Variants in TRMT10B observed in about 807,000 individuals in gnomAD.
TRMT10B encodes tRNA methyltransferase 10 homolog B.
Under a neutral mutation model 43.8 loss-of-function variants are expected in TRMT10B, and 33 were observed. That is an observed-to-expected ratio of 0.75 (90% CI 0.57 to 1.01). The LOEUF is 1.01. Among genes scored for constraint, TRMT10B ranks in the 50% least tolerant of loss-of-function variants. TRMT10B has a pLI of 0.00. For synonymous variants in TRMT10B, 137 were observed against 130.6 expected, an observed-to-expected ratio of 1.05 and a Z score of -0.34; for missense variants, 362 against 369.8, an observed-to-expected ratio of 0.98 and a Z score of 0.17.
At chr9:37,758,560 C>T (rs1201205655) in intron 1 of TRMT10B, among the ~76,000 whole-genome samples, 4 of 151,768 alleles carry the variant, frequency 2.6e-5, no homozygotes, top group African/African-American at 9.7e-5. Context: ...AAAGGGAGAA[C>T]AGAGATAGAA....
At chr9:37,764,230 C>A (rs1826732128) in intron 4 of TRMT10B, among the ~76,000 whole-genome samples, 1 of 152,008 alleles carries the variant, frequency 6.6e-6, no homozygotes, top group South Asian at 2.1e-4. Flanking sequence ...CTCACTGCAA[C>A]CTCTGCTTCC....
At chr9:37,771,190 C>A (rs1447056200) in intron 7 of TRMT10B, among the ~76,000 whole-genome samples, 1 of 151,826 alleles carries the variant, frequency 6.6e-6, no homozygotes, top group Non-Finnish European at 1.5e-5. Flanking sequence ...TGGGGTGTCA[C>A]TGGAATTTTG....
chr9:37,763,491 ATCT>A, intron 3 of TRMT10B, 135 bp from the exon 4 acceptor site: 1 of 697,408 alleles, frequency 1.4e-6, no homozygotes. Flanking sequence ...CTCTGTGTAA[ATCT>A]TCTAATGAAC....
intron 7 of TRMT10B, among the ~76,000 whole-genome samples, chr9:37,773,166 G>A (rs1337400291): frequency 6.6e-6 from 1 of 152,194 alleles, no homozygotes; most frequent in African/African-American, 2.4e-5. Context: ...TGAGTGAGGT[G>A]GTGCGATCAT....
intron 4 of TRMT10B, among the ~76,000 whole-genome samples, chr9:37,765,774 C>T (rs1269304112): frequency 1.3e-5 from 2 of 152,158 alleles, no homozygotes; most frequent in African/African-American, 4.8e-5. Context: ...TTAATGATTG[C>T]CATTCTAACT....
chr9:37,774,285 A>G (rs1827901266), intron 7 of TRMT10B, among the ~76,000 whole-genome samples: 1 of 152,206 alleles, frequency 6.6e-6, no homozygotes, highest in South Asian at 2.1e-4. Context: ...TGCAGGCATG[A>G]GCCACGGTGC....
intron 1 of TRMT10B, among the ~76,000 whole-genome samples, chr9:37,755,901 T>G (rs1314758271): frequency 1.3e-5 from 2 of 152,216 alleles, no homozygotes; most frequent in African/African-American, 4.8e-5. Flanking sequence ...AATGTAGGTA[T>G]AAGCCCTCCT....
intron 4 of TRMT10B, among the ~76,000 whole-genome samples, chr9:37,764,525 G>A (rs1379732932): frequency 1.3e-5 from 2 of 151,892 alleles, no homozygotes; most frequent in African/African-American, 4.8e-5. Context: ...GTTTCACCAT[G>A]TTAGCCAGGG....
chr9:37,755,274 T>G (rs1285849824), intron 1 of TRMT10B, among the ~76,000 whole-genome samples: 2 of 143,432 alleles, frequency 1.4e-5, no homozygotes, highest in Non-Finnish European at 3.0e-5. Context: ...CCGTCTTTTT[T>G]TTTTTTTTTT....
chr9:37,767,418 TAGG>T (rs1380720914), intron 4 of TRMT10B: 7 of 144,536 alleles, frequency 4.8e-5, no homozygotes, highest in Non-Finnish European at 7.4e-5. Flanking sequence ...GAGGCTGAGG[TAGG>T]AGGATCACTT....
intron 1 of TRMT10B, among the ~76,000 whole-genome samples, chr9:37,758,174 G>A (rs559189268): frequency 1.3e-5 from 2 of 152,334 alleles, no homozygotes; most frequent in Admixed American, 6.5e-5. Context: ...CACTTTGGGA[G>A]GCTGAGGCAG....
intron 1 of TRMT10B, among the ~76,000 whole-genome samples, chr9:37,760,995 C>T (rs764224): frequency 4.6e-5 from 7 of 152,136 alleles, no homozygotes; most frequent in African/African-American, 1.4e-4. Context: ...CTCAGCACTT[C>T]TGAGGGATAT....
intron 5 of TRMT10B, among the ~76,000 whole-genome samples, chr9:37,769,004 T>G (rs1258954880): frequency 6.6e-6 from 1 of 152,154 alleles, no homozygotes; most frequent in Non-Finnish European, 1.5e-5. Context: ...CTTTTGTGTA[T>G]GTCAATATTA....
At chr9:37,755,945 C>T (rs1256316114) in intron 1 of TRMT10B, among the ~76,000 whole-genome samples, 1 of 152,150 alleles carries the variant, frequency 6.6e-6, no homozygotes, top group African/African-American at 2.4e-5. Flanking sequence ...AGAGAAGATA[C>T]CAGCACAGAC....
intron 7 of TRMT10B, among the ~76,000 whole-genome samples, chr9:37,774,538 G>C (rs1472706859): frequency 1.3e-5 from 2 of 152,146 alleles, no homozygotes; most frequent in Admixed American, 1.3e-4. Flanking sequence ...ATTGTGCAAA[G>C]AACATAAACT....
chr9:37,772,339 A>C (rs997678901), intron 7 of TRMT10B, among the ~76,000 whole-genome samples: 3 of 151,588 alleles, frequency 2.0e-5, no homozygotes, highest in Non-Finnish European at 4.4e-5. Context: ...TTTTTTAGAG[A>C]CAGGGTCTCA....
At position 37,778,064 on chromosome 9, in the gene TRMT10B, G is replaced by C. The variant is rs2118959105; in HGVS notation, c.*357G>C. On this transcript the variant is annotated 3_prime_UTR_variant, in exon 9 of 9. Transcript: ENST00000297994. ...GGAGTGAGGCGCTTGGAGGTACCTT[G>C]ACCCAAAGAGCAGGGCAGAGGGTGG... 1 of 200,190 alleles carries C rather than the reference G, an allele frequency of 5.0e-6. No homozygotes were observed. Among genetic ancestry groups the C allele is most frequent in the African/African-American group, 2.4e-5 (1 of 42,364 alleles). 12.4% of individuals were successfully genotyped at this position (200,190 alleles called of 1,614,324 possible).
intron 1 of TRMT10B, among the ~76,000 whole-genome samples, chr9:37,756,728 A>G (rs1463116065): frequency 6.8e-6 from 1 of 146,526 alleles, no homozygotes; most frequent in Non-Finnish European, 1.5e-5. Flanking sequence ...TCAAAAAGAT[A>G]TATATATATA....
chr9:37,752,911 TG>T (rs953015771), upstream of TRMT10B, among the ~76,000 whole-genome samples: 1 of 152,062 alleles, frequency 6.6e-6, no homozygotes, highest in African/African-American at 2.4e-5. Context: ...GGCAACCCGT[TG>T]GGGTTGCCTT....
Sources: allele counts gnomAD v4.1 joint callset (sites outside exome capture counted in the v4.1 genomes callset), GRCh38; gene constraint gnomAD v4.1.1; transcripts MANE v1.5; gene names NCBI Gene and HGNC (gene_info 2026-07-23, HGNC 2026-07-21).